CMTR1: variants seen among roughly 807,000 people sequenced by gnomAD.
CMTR1 encodes cap-specific mRNA (nucleoside-2'-O-)-methyltransferase 1.
In CMTR1, 39 loss-of-function variants were observed where a neutral mutation model predicts 107.0. That is an observed-to-expected ratio of 0.36 (90% CI 0.28 to 0.48). CMTR1 has a LOEUF of 0.48. CMTR1 is among the 20% of genes least tolerant of loss of function. The probability of loss-of-function intolerance (pLI) is 0.99; values close to 1 mark genes in which losing one functional copy is unlikely to be tolerated. For missense variants in CMTR1, 672 were observed against 1,064.9 expected, an observed-to-expected ratio of 0.63 and a Z score of 5.14; for synonymous variants, 366 against 379.5, an observed-to-expected ratio of 0.96 and a Z score of 0.41.
At position 37,472,290 on chromosome 6, in the gene CMTR1, C is replaced by G; in HGVS notation, c.1621-129C>G. On this transcript the variant is annotated intron_variant, in intron 15 of 23. Coordinates refer to ENST00000373451, the MANE Select transcript of CMTR1 (RefSeq NM_015050.3). The surrounding 1 kb of genome is among the most constrained non-coding windows in gnomAD (Gnocchi z 4.1). ...ATTATCCACCTCCATCCCTGTCAGC[C>G]TAGCCTCCTTTGTTGTGTGCCATTC... 1.2e-6 allele frequency: 1 copy of G among 806,752 alleles called. No individual in the cohort carries two copies. The highest frequency in any genetic ancestry group is 2.1e-6 in the Non-Finnish European group (1 of 468,148). 50.0% of individuals were successfully genotyped at this position (806,752 alleles called of 1,614,324 possible).
intron 13 of CMTR1, among the ~76,000 whole-genome samples, chr6:37,470,347 CG>C (rs1379116083): frequency 1.3e-5 from 2 of 151,946 alleles, no homozygotes; most frequent in Non-Finnish European, 2.9e-5. Context: ...GGGGTTTCAC[CG>C]TGTTAGCCAG....
chr6:37,444,195 G>C (rs1581730745), intron 3 of CMTR1, 45 bp downstream of exon 3: 1 of 1,587,924 alleles, frequency 6.3e-7, no homozygotes, highest in African/African-American at 1.4e-5. Flanking sequence ...CACCAGCAGA[G>C]TGAAAGAAGG....
the CMTR1 span, among the ~76,000 whole-genome samples, chr6:37,424,003 A>G: frequency 6.6e-6 from 1 of 152,174 alleles, no homozygotes; most frequent in Admixed American, 6.5e-5. Flanking sequence ...CGTTGCTGGC[A>G]AAGAGAAGAG....
intron 13 of CMTR1, among the ~76,000 whole-genome samples, chr6:37,467,328 A>C (rs1222750908): frequency 6.6e-6 from 1 of 152,182 alleles, no homozygotes; most frequent in Middle Eastern, 3.2e-3. Context: ...GATTTTCAAG[A>C]TATCTATTAG....
chr6:37,440,431 G>C (rs1771647307), intron 2 of CMTR1, among the ~76,000 whole-genome samples: 1 of 152,136 alleles, frequency 6.6e-6, no homozygotes, highest in South Asian at 2.1e-4. Context: ...GTGGACATCA[G>C]GAATAATCTA....
chr6:37,443,882 A>G (rs1203697328), intron 2 of CMTR1, 117 bp from the exon 3 acceptor site: 2 of 1,143,458 alleles, frequency 1.7e-6, no homozygotes, highest in African/African-American at 3.2e-5. Flanking sequence ...GGGTCATTTA[A>G]TGAACTTTAT....
At chr6:37,442,474 A>C (rs531046021) in intron 2 of CMTR1, among the ~76,000 whole-genome samples, 175 of 152,336 alleles carry the variant, frequency 1.1e-3, no homozygotes, top group African/African-American at 4.2e-3. Flanking sequence ...CATTTAATTA[A>C]TTTCTATTAA....
the CMTR1 span, among the ~76,000 whole-genome samples, chr6:37,424,797 AT>A: frequency 1.3e-5 from 2 of 151,664 alleles, no homozygotes; most frequent in Admixed American, 6.6e-5. Flanking sequence ...TGTTATCTTT[AT>A]TTTTTTCATA....
At chr6:37,475,639 A>G (rs1447728613) in intron 19 of CMTR1, 2 of 581,942 alleles carry the variant, frequency 3.4e-6, no homozygotes, top group South Asian at 2.0e-5. Context: ...ATACCAGCAC[A>G]CTCCATTTTG....
chr6:37,448,404 A>G (rs1330325030), intron 4 of CMTR1, among the ~76,000 whole-genome samples: 2 of 152,136 alleles, frequency 1.3e-5, no homozygotes, highest in Non-Finnish European at 2.9e-5. Flanking sequence ...AGGTAGTTAT[A>G]ATAATCAGAC....
chr6:37,425,578 C>T, the CMTR1 span, among the ~76,000 whole-genome samples: 2 of 152,074 alleles, frequency 1.3e-5, no homozygotes, highest in African/African-American at 4.8e-5. Context: ...GCATGAGCCA[C>T]CACGTTTTAG....
In CMTR1 at chr6:37,481,494, TAAAC is replaced by T; in HGVS notation, c.*1351_*1354del. On this transcript the variant is annotated 3_prime_UTR_variant, in exon 24 of 24. Transcript: ENST00000373451. Reference sequence around the variant, plus strand: ...TTGCAGAATCTTGGATCATTAAAGATAAACATATTTTTAATGCCTGTGTGGCTCT... The same window carrying T: ...TTGCAGAATCTTGGATCATTAAAGATATATTTTTAATGCCTGTGTGGCTCT... 1 of 1,110,054 alleles carries T rather than the reference TAAAC, an allele frequency of 9.0e-7. No homozygotes were observed. The highest frequency in any genetic ancestry group is 1.1e-6 in the Non-Finnish European group (1 of 903,302). 68.8% of individuals were successfully genotyped at this position (1,110,054 alleles called of 1,614,324 possible). A position where few individuals can be genotyped will look rare whatever the true frequency, so the allele number is the denominator to read the frequency against.
chr6:37,474,462 G>A, intron 17 of CMTR1, 62 bp from the exon 18 acceptor site: 2 of 1,598,318 alleles, frequency 1.3e-6, no homozygotes, highest in Non-Finnish European at 1.7e-6. Flanking sequence ...CTTTTGAGAA[G>A]TAAGCCTCTT....
intron 11 of CMTR1, 69 bp downstream of exon 11, chr6:37,461,714 C>A: frequency 9.1e-7 from 1 of 1,097,672 alleles, no homozygotes. Context: ...AGAACATGTA[C>A]AAGGGGTTGG....
chr6:37,433,617 C>T (rs574607057), intron 1 of CMTR1, among the ~76,000 whole-genome samples: 1 of 152,350 alleles, frequency 6.6e-6, no homozygotes, highest in South Asian at 2.1e-4. Flanking sequence ...AATGAAGGGA[C>T]TGGCCGGGAG....
the CMTR1 span, among the ~76,000 whole-genome samples, chr6:37,427,421 A>G: frequency 6.6e-6 from 1 of 152,196 alleles, no homozygotes; most frequent in Non-Finnish European, 1.5e-5. This position sits in a 1 kb window ranked among gnomAD's most constrained non-coding sequence, Gnocchi z 4.4. Context: ...CAATTCCAGC[A>G]TAACTTTCAC....
chr6:37,467,703 T>C (rs1302968143), intron 13 of CMTR1, among the ~76,000 whole-genome samples: 3 of 152,244 alleles, frequency 2.0e-5, no homozygotes, highest in Non-Finnish European at 2.9e-5. Context: ...TTTATTGTTA[T>C]GAAATACCCT....
chr6:37,480,337 T>G lies in CMTR1; in HGVS notation c.*192T>G, dbSNP rs553425386. 815 of 1,377,284 alleles carry G rather than the reference T, an allele frequency of 5.9e-4. 4 individuals carry two copies. In the African/African-American group the frequency reaches 0.012, roughly 20 times the overall value. The allele number at this position is 1,377,284 out of a possible 1,614,324, so 85.3% of individuals were successfully genotyped here. ...AGGGCCCTGCAGAGAACACTCATGTTCCTTCTGGGACACCTGCCTGGGAAC... is the reference window on the plus strand; with the variant it reads ...AGGGCCCTGCAGAGAACACTCATGTGCCTTCTGGGACACCTGCCTGGGAAC... On this transcript the variant is annotated 3_prime_UTR_variant, in exon 24 of 24. Coordinates refer to ENST00000373451, the MANE Select transcript of CMTR1 (RefSeq NM_015050.3).
intron 21 of CMTR1, among the ~76,000 whole-genome samples, chr6:37,477,916 C>T (rs924549096): frequency 2.6e-5 from 4 of 152,190 alleles, no homozygotes; most frequent in African/African-American, 7.2e-5. Flanking sequence ...ATGGGCCCTG[C>T]GAGGGGCAGA....
Sources: gnomAD v4.1 joint callset for allele counts (sites outside exome capture counted in the v4.1 genomes callset) on GRCh38, gnomAD v4.1.1 for gene constraint, Gnocchi (gnomAD v3.1) non-coding constraint, MANE v1.5 for transcripts, NCBI Gene and HGNC (gene_info 2026-07-23, HGNC 2026-07-21) for gene names.